The following RIMS1 variants were observed in gnomAD, a reference collection of about 807,000 sequenced individuals.
The protein encoded by RIMS1 is regulating synaptic membrane exocytosis 1, also known as regulating synaptic membrane exocytosis protein 1.
RIMS1 carries 83 observed loss-of-function variants against 214.1 expected under a neutral mutation model. The observed-to-expected ratio is 0.39, with a 90% CI of 0.32 to 0.47. RIMS1 has a LOEUF of 0.47. Ranked by LOEUF, RIMS1 falls within the 20% of genes least tolerant of loss-of-function variation. The pLI, the probability that RIMS1 is intolerant of heterozygous loss-of-function variation, is 0.99. For synonymous variants in RIMS1, 793 were observed against 786.8 expected (o/e 1.01, Z -0.13); for missense variants, 2,050 against 2,161.8 (o/e 0.95, Z 1.03).
chr6:72,267,709 G>C (rs2081253705), intron 22 of RIMS1, among the ~76,000 whole-genome samples: 1 of 152,058 alleles, frequency 6.6e-6, no homozygotes, highest in South Asian at 2.1e-4. Flanking sequence ...TGGTGAGCCT[G>C]TCTAGCATAT....
chr6:72,245,745 AATGGGCTATG>A, intron 10 of RIMS1, 60 bp from the exon 11 acceptor site: 1 of 1,194,922 alleles, frequency 8.4e-7, no homozygotes, highest in South Asian at 1.2e-5. Flanking sequence ...CATCACGTAT[AATGGGCTATG>A]ATTGCCTCAG....
chr6:72,164,870 T>C, intron 4 of RIMS1, among the ~76,000 whole-genome samples: 1 of 152,200 alleles, frequency 6.6e-6, no homozygotes, highest in Non-Finnish European at 1.5e-5. Flanking sequence ...TATAAAGGAA[T>C]TGATCCCATC....
At chr6:72,289,547 C>CTAAG (rs1244010388) in intron 24 of RIMS1, among the ~76,000 whole-genome samples, 1 of 152,056 alleles carries the variant, frequency 6.6e-6, no homozygotes, top group Non-Finnish European at 1.5e-5. Context: ...TATTAAAGAC[C>CTAAG]TAAGCTGAAC....
intron 2 of RIMS1, among the ~76,000 whole-genome samples, chr6:71,969,700 T>G (rs2151349270): frequency 6.6e-6 from 1 of 152,198 alleles, no homozygotes; most frequent in Non-Finnish European, 1.5e-5. Context: ...TCCCAGCTAC[T>G]TGGGAGGCTG....
At chr6:72,220,968 AAATT>A (rs1196882953) in intron 6 of RIMS1, among the ~76,000 whole-genome samples, 3 of 152,104 alleles carry the variant, frequency 2.0e-5, no homozygotes, top group Non-Finnish European at 2.9e-5. Flanking sequence ...AGTGATGGAA[AAATT>A]AAGCACAGAA....
rs773514137 is a variant in RIMS1 at position 72,235,698 on chromosome 6, C to T, written c.1827C>T (p.Pro609=). The T allele has an allele frequency of 2.5e-6, 4 of 1,607,960 alleles. No individual in the cohort carries two copies. The Admixed American group carries it at 5.0e-5, about 20-fold the overall frequency. The change falls in exon 8 of 34, where the codon CCC becomes CCT. Residue 609 remains proline (P), a synonymous_variant. Coordinates refer to ENST00000521978, the MANE Select transcript of RIMS1 (RefSeq NM_014989.7). ...TTCTTAACAAGAGAACAACCATGCCCAAAGACTCAGGTGCATTGCTGGGTC... is the reference window on the plus strand; with the variant it reads ...TTCTTAACAAGAGAACAACCATGCCTAAAGACTCAGGTGCATTGCTGGGTC... The part of the protein sequence containing the change: ...RVILNKRTTM[P]KDSGALLGLK...
At position 72,148,120 on chromosome 6, in the gene RIMS1, C is replaced by T. The variant is rs560774591; in HGVS notation, c.472-31455C>T. ...TTTTAAGCCAAACAGTTTAAGGCTT[C>T]AGGAAATTAAGCTTTTTCCAGTTTG... is the stretch of plus-strand genomic sequence containing the variant. On this transcript the variant is annotated intron_variant, in intron 4 of 33. Transcript: ENST00000521978. Among the ~76,000 whole-genome samples, 111 of 152,290 alleles carry T rather than the reference C, an allele frequency of 7.3e-4. 1 individual carries two copies. The highest frequency in any genetic ancestry group is 1.4e-3 in the Non-Finnish European group (95 of 68,026).
At chr6:72,054,013 C>G (rs558018024) in intron 2 of RIMS1, among the ~76,000 whole-genome samples, 1 of 151,918 alleles carries the variant, frequency 6.6e-6, no homozygotes, top group Non-Finnish European at 1.5e-5. Context: ...ACCTATCAAC[C>G]TTTCATCGAG....
At position 72,258,387 on chromosome 6, in the gene RIMS1, A is replaced by AT. The variant is rs1257098435; in HGVS notation, c.2927+113dup. On this transcript the variant is annotated intron_variant, in intron 17 of 33. Coordinates refer to ENST00000521978, the MANE Select transcript of RIMS1 (RefSeq NM_014989.7). Reference sequence around the variant, plus strand: ...AATGAAAAAATAGTTTGGTCAAATTATTTTTTTCAGAATTAATTGTAGGCA... The same window carrying AT: ...AATGAAAAAATAGTTTGGTCAAATTATTTTTTTTCAGAATTAATTGTAGGCA... 19 of 1,224,582 alleles carry AT rather than the reference A, an allele frequency of 1.6e-5. No homozygotes were observed. In the East Asian group the frequency reaches 4.4e-4, roughly 28 times the overall value. The allele number at this position is 1,224,582 out of a possible 1,614,324, so 75.9% of individuals were successfully genotyped here. A position where few individuals can be genotyped will look rare whatever the true frequency, so the allele number is the denominator to read the frequency against.
intron 24 of RIMS1, among the ~76,000 whole-genome samples, chr6:72,287,302 A>G (rs756647143): frequency 9.9e-5 from 15 of 152,214 alleles, no homozygotes; most frequent in Non-Finnish European, 2.2e-4. Flanking sequence ...TACCACATAC[A>G]TGTCCATTCT....
chr6:72,227,526 G>A (rs545974133), intron 6 of RIMS1, among the ~76,000 whole-genome samples: 13 of 151,918 alleles, frequency 8.6e-5, no homozygotes, highest in African/African-American at 2.9e-4. Flanking sequence ...GTGTCATGGT[G>A]GTGTTTGCAT....
At chr6:72,260,863 A>G in intron 19 of RIMS1, 96 bp downstream of exon 19, 1 of 1,546,662 alleles carries the variant, frequency 6.5e-7, no homozygotes, top group South Asian at 1.2e-5. Context: ...TATTACAAGC[A>G]AGTCAAATAA....
chr6:72,164,156 G>C (rs1381189697), intron 4 of RIMS1, among the ~76,000 whole-genome samples: 2 of 152,200 alleles, frequency 1.3e-5, no homozygotes, highest in Non-Finnish European at 2.9e-5. Flanking sequence ...TGCTAGCAAT[G>C]AGCGAGACTC....
At chr6:72,235,801 C>A in intron 8 of RIMS1, 73 bp downstream of exon 8, 3 of 659,092 alleles carry the variant, frequency 4.6e-6, no homozygotes, top group South Asian at 4.9e-5. Flanking sequence ...GAGTTTCTGG[C>A]AATGATTTTT....
In RIMS1 at chr6:71,984,517, G is replaced by A. The variant is rs944674322; in HGVS notation, c.245+15454G>A. 7.2e-5 allele frequency among the ~76,000 whole-genome samples: 11 copies of A among 152,202 alleles called. No individual in the cohort carries two copies. The East Asian group carries it at 1.7e-3, about 24-fold the overall frequency. ...TTTATAATTTACAAGCCCTCAACAC[G>A]TTAAACCTTAGTTAATTTTTTTCCC... On this transcript the variant is annotated intron_variant, in intron 2 of 33. Transcript: ENST00000521978.
At position 72,162,239 on chromosome 6, in the gene RIMS1, G is replaced by C. The variant is rs1397411939; in HGVS notation, c.472-17336G>C. ...GCCTTTTTTTGTTTTCCATTTGCTTGGTATTTCTTCCTTCATCCCTTTATT... is the reference window on the plus strand; with the variant it reads ...GCCTTTTTTTGTTTTCCATTTGCTTCGTATTTCTTCCTTCATCCCTTTATT... On this transcript the variant is annotated intron_variant, in intron 4 of 33. Transcript: ENST00000521978. Among the ~76,000 whole-genome samples, 7 of 140,102 alleles carry C rather than the reference G, an allele frequency of 5.0e-5. 1 individual carries two copies. The highest frequency in any genetic ancestry group is 2.4e-4 in the South Asian group (1 of 4,188). The allele number at this position is 140,102 out of a possible 152,430, so 91.9% of individuals were successfully genotyped here. A position where few individuals can be genotyped will look rare whatever the true frequency, so the allele number is the denominator to read the frequency against.
rs571692536 is a variant in RIMS1 at position 71,967,620 on chromosome 6, C to T, written c.165-1363C>T. 3.9e-5 allele frequency among the ~76,000 whole-genome samples: 6 copies of T among 152,292 alleles called. No individual in the cohort carries two copies. The East Asian group carries it at 1.2e-3, about 29-fold the overall frequency. On this transcript the variant is annotated intron_variant, in intron 1 of 33. Coordinates refer to ENST00000521978, the MANE Select transcript of RIMS1 (RefSeq NM_014989.7). The stretch of plus-strand genomic sequence containing the variant: ...CTCCCACCACACCGGGGAAAGAACA[C>T]AAGGCTTTGTGGTTTCTGTGGATGT...
chr6:72,043,179 C>T lies in RIMS1; in HGVS notation c.246-53770C>T, dbSNP rs1352658070. On this transcript the variant is annotated intron_variant, in intron 2 of 33. Transcript: ENST00000521978. ...GCACACACACACACACACACACACA[C>T]GCCTGCAAGATCACTTACATCACTG... 7.3e-5 allele frequency among the ~76,000 whole-genome samples: 11 copies of T among 151,396 alleles called. No homozygotes were observed. The East Asian group carries it at 1.4e-3, about 19-fold the overall frequency.
chr6:72,142,527 C>T (rs1028894618), intron 4 of RIMS1, among the ~76,000 whole-genome samples: 1 of 151,962 alleles, frequency 6.6e-6, no homozygotes, highest in Non-Finnish European at 1.5e-5. Flanking sequence ...ATCAGAGCTA[C>T]CCCAGATCAT....
Sources: allele counts gnomAD v4.1 joint callset (sites outside exome capture counted in the v4.1 genomes callset), GRCh38; gene constraint gnomAD v4.1.1; transcripts MANE v1.5; gene names NCBI Gene and HGNC (gene_info 2026-07-23, HGNC 2026-07-21).